Variants in PRR5L observed in about 807,000 individuals in gnomAD.
PRR5L encodes proline rich 5 like.
A neutral mutation model predicts 36.4 loss-of-function variants in PRR5L; 21 were observed. The ratio of observed to expected loss-of-function variants is 0.58; its 90% CI spans 0.41 to 0.83. PRR5L has a LOEUF of 0.83. Among genes scored for constraint, PRR5L ranks in the 40% least tolerant of loss-of-function variants. The pLI is 0.00. For synonymous variants in PRR5L, 188 were observed against 197.0 expected (o/e 0.95, Z 0.38); for missense variants, 381 against 473.3 (o/e 0.80, Z 1.81).
intron 3 of PRR5L, among the ~76,000 whole-genome samples, chr11:36,405,993 CAT>C (rs1241951590): frequency 6.6e-6 from 1 of 152,112 alleles, no homozygotes; most frequent in African/African-American, 2.4e-5. Context: ...AAGGCTTTGA[CAT>C]ATAAATTTTG....
At chr11:36,376,785 C>T (rs937338545) in intron 1 of PRR5L, 1 of 936,676 alleles carries the variant, frequency 1.1e-6, no homozygotes, top group Middle Eastern at 5.5e-4. Flanking sequence ...CGAAAATTAC[C>T]GCGCGCTAAT....
chr11:36,434,685 C>A (rs1858569160), intron 5 of PRR5L, among the ~76,000 whole-genome samples: 2 of 152,176 alleles, frequency 1.3e-5, no homozygotes, highest in Admixed American at 1.3e-4. Flanking sequence ...TAGAACCATC[C>A]ATCCAACCCC....
intron 1 of PRR5L, among the ~76,000 whole-genome samples, chr11:36,316,128 TAGA>T (rs1259014647): frequency 7.2e-5 from 11 of 152,280 alleles, no homozygotes; most frequent in Non-Finnish European, 1.6e-4. Context: ...AAGGGCGAGA[TAGA>T]AAATAATTTA....
chr11:36,360,481 A>G (rs991012042), intron 1 of PRR5L, among the ~76,000 whole-genome samples: 2 of 152,184 alleles, frequency 1.3e-5, no homozygotes, highest in Non-Finnish European at 2.9e-5. Context: ...AAAACCCAAA[A>G]CAGGAAACCA....
chr11:36,333,456 C>T (rs1012534350), intron 1 of PRR5L, among the ~76,000 whole-genome samples: 1 of 152,186 alleles, frequency 6.6e-6, no homozygotes, highest in South Asian at 2.1e-4. Flanking sequence ...ACACAATAGC[C>T]CCAAACAGTA....
At chr11:36,376,339 G>GGAGGAA in intron 1 of PRR5L, 1 of 1,058,674 alleles carries the variant, frequency 9.4e-7, no homozygotes, top group African/African-American at 2.3e-5. Context: ...AGGGGGAGGA[G>GGAGGAA]GAGGAAGAGG....
intron 1 of PRR5L, among the ~76,000 whole-genome samples, chr11:36,322,633 T>C (rs948341784): frequency 2.6e-5 from 4 of 152,326 alleles, no homozygotes; most frequent in Non-Finnish European, 2.9e-5. Flanking sequence ...CAAACTATAG[T>C]ACTGCATCTT....
intron 1 of PRR5L, among the ~76,000 whole-genome samples, chr11:36,366,492 T>G (rs1857145284): frequency 6.6e-6 from 1 of 152,174 alleles, no homozygotes; most frequent in African/African-American, 2.4e-5. Flanking sequence ...AATTCTATTT[T>G]GCAAAGGAAG....
At chr11:36,395,963 C>G (rs1857650963) in intron 1 of PRR5L, among the ~76,000 whole-genome samples, 1 of 152,082 alleles carries the variant, frequency 6.6e-6, no homozygotes, top group Admixed American at 6.5e-5. Context: ...CTCCTGGGCT[C>G]AAGCAGTCCG....
chr11:36,307,867 G>T (rs2133452583), intron 1 of PRR5L, among the ~76,000 whole-genome samples: 1 of 152,350 alleles, frequency 6.6e-6, no homozygotes, highest in Admixed American at 6.5e-5. Flanking sequence ...GGGAAGAAGA[G>T]AGGGACAGTT....
intron 3 of PRR5L, among the ~76,000 whole-genome samples, chr11:36,404,449 G>T (rs1857868748): frequency 1.3e-5 from 2 of 151,888 alleles, no homozygotes; most frequent in Non-Finnish European, 1.5e-5. Flanking sequence ...AGTATTTTTA[G>T]TAGAGACGAG....
Position 36,451,193 on chromosome 11 carries a change from G to A in PRR5L, c.586-16G>A, listed in dbSNP as rs374872048. The A allele has an allele frequency of 3.7e-6, 6 of 1,613,866 alleles. No homozygotes were observed. The highest frequency in any genetic ancestry group is 1.3e-5 in the African/African-American group (1 of 75,042). On this transcript the variant is annotated splice_polypyrimidine_tract_variant and intron_variant, in intron 7 of 8. Coordinates refer to ENST00000530639, the MANE Select transcript of PRR5L (RefSeq NM_001160167.2). ...TGAACACTGACCTTTGTGTATCTTG[G>A]CTGTTCATTTTCCAGAGTGTTCACG...
chr11:36,450,893 A>G (rs1320761628), intron 7 of PRR5L, among the ~76,000 whole-genome samples: 2 of 152,238 alleles, frequency 1.3e-5, no homozygotes, highest in African/African-American at 2.4e-5. Flanking sequence ...ACCAGTCACG[A>G]TGACAGTATG....
chr11:36,325,153 T>C (rs1336487286), intron 1 of PRR5L, among the ~76,000 whole-genome samples: 1 of 152,176 alleles, frequency 6.6e-6, no homozygotes, highest in Non-Finnish European at 1.5e-5. Flanking sequence ...ATAGCTCTAT[T>C]AGAAGCCATG....
intron 3 of PRR5L, among the ~76,000 whole-genome samples, chr11:36,407,954 A>G (rs1368191309): frequency 2.0e-5 from 3 of 152,178 alleles, no homozygotes; most frequent in Admixed American, 2.0e-4. Flanking sequence ...TATTGGATCC[A>G]AAGACAGGTT....
At chr11:36,438,878 T>C (rs183726869) in intron 6 of PRR5L, among the ~76,000 whole-genome samples, 23 of 152,218 alleles carry the variant, frequency 1.5e-4, no homozygotes, top group Non-Finnish European at 3.1e-4. Context: ...GAAGCTGTAG[T>C]GAGCTGAGAT....
chr11:36,446,472 A>AGAGG (rs748690894), intron 7 of PRR5L, 32 bp downstream of exon 7: 15 of 1,609,590 alleles, frequency 9.3e-6, no homozygotes, highest in Non-Finnish European at 1.2e-5. Context: ...GCCCCAAGGC[A>AGAGG]GAGGGAGGGA....
Position 36,315,515 on chromosome 11 carries a change from G to A in PRR5L, c.-126+19077G>A, listed in dbSNP as rs180808720. On this transcript the variant is annotated intron_variant, in intron 1 of 8. Coordinates refer to ENST00000530639, the MANE Select transcript of PRR5L (RefSeq NM_001160167.2). The stretch of plus-strand genomic sequence containing the variant: ...ACAGTCCATAAACTTACTAATAATT[G>A]TCTCTTGATATTTCATTTGAAAATC... Among the ~76,000 whole-genome samples the A allele has an allele frequency of 2.7e-3, 415 of 152,280 alleles. 1 individual carries two copies. The highest frequency in any genetic ancestry group is 9.6e-3 in the African/African-American group (398 of 41,572).
intron 1 of PRR5L, among the ~76,000 whole-genome samples, chr11:36,330,055 T>C (rs1185740145): frequency 2.0e-5 from 3 of 152,224 alleles, no homozygotes; most frequent in African/African-American, 4.8e-5. Flanking sequence ...TTCCAATTAT[T>C]TCTTGTTTCA....
Sources: allele counts gnomAD v4.1 joint callset (sites outside exome capture counted in the v4.1 genomes callset), GRCh38; gene constraint gnomAD v4.1.1; transcripts MANE v1.5; gene names NCBI Gene and HGNC (gene_info 2026-07-23, HGNC 2026-07-21).